OASL: variants seen among roughly 807,000 people sequenced by gnomAD.
The protein encoded by OASL is 2'-5'-oligoadenylate synthase-like protein.
In OASL, 28 loss-of-function variants were observed where a neutral mutation model predicts 35.3. The observed-to-expected ratio is 0.79, with a 90% CI of 0.59 to 1.09. The LOEUF is 1.09. OASL is among the 50% of genes least tolerant of loss of function. The pLI is 0.00. For missense variants in OASL, 620 were observed against 635.2 expected (o/e 0.98, Z 0.26); for synonymous variants, 252 against 254.6 (o/e 0.99, Z 0.10).
At chr12:121,031,247 C>A (rs1869716207) in intron 3 of OASL, among the ~76,000 whole-genome samples, 195 bp downstream of exon 3, 1 of 152,082 alleles carries the variant, frequency 6.6e-6, no homozygotes, top group East Asian at 1.9e-4. Flanking sequence ...TCTTTCTCCT[C>A]TTCCTCCTCC....
intron 5 of OASL, among the ~76,000 whole-genome samples, chr12:121,022,726 C>T (rs1439351800): frequency 2.6e-5 from 4 of 152,190 alleles, no homozygotes; most frequent in African/African-American, 9.6e-5. Context: ...TCCTTTACCC[C>T]TCATCATCCT....
At chr12:121,033,803 C>G in intron 1 of OASL, 60 bp from the exon 2 acceptor site, 1 of 1,556,670 alleles carries the variant, frequency 6.4e-7, no homozygotes. Context: ...GCAACCCCTG[C>G]GGCACTTCAC....
At chr12:121,022,204 A>G (rs1335428757) in intron 5 of OASL, among the ~76,000 whole-genome samples, 2 of 148,636 alleles carry the variant, frequency 1.3e-5, no homozygotes. Context: ...CTCCTGCCTC[A>G]GCCTCCCTAG....
intron 2 of OASL, among the ~76,000 whole-genome samples, chr12:121,032,957 G>T (rs1032280819): frequency 7.2e-5 from 11 of 151,882 alleles, no homozygotes; most frequent in Non-Finnish European, 1.6e-4. Context: ...ACGGAGTCTT[G>T]CTCTGTTGCC....
Position 121,027,566 on chromosome 12 carries a change from G to A in OASL, c.899+10C>T, listed in dbSNP as rs767597375. 1 of 1,612,968 alleles carries A rather than the reference G, an allele frequency of 6.2e-7. No individual in the cohort carries two copies. The highest frequency in any genetic ancestry group is 8.5e-7 in the Non-Finnish European group (1 of 1,179,162). ...CTGTAAGATTTGGTGGGCAAACAGTGGTCCAGTACCTCTCTTTTTTGAGCT... is the reference window on the plus strand; with the variant it reads ...CTGTAAGATTTGGTGGGCAAACAGTAGTCCAGTACCTCTCTTTTTTGAGCT... On this transcript the variant is annotated intron_variant, in intron 4 of 5. Transcript: ENST00000257570.
intron 3 of OASL, among the ~76,000 whole-genome samples, chr12:121,029,581 G>A (rs556568932): frequency 2.0e-5 from 3 of 152,116 alleles, no homozygotes; most frequent in South Asian, 2.1e-4. Flanking sequence ...CCAGCTACTC[G>A]GGAGGTTGAG....
At chr12:121,021,577 A>G (rs1268129132) in intron 5 of OASL, among the ~76,000 whole-genome samples, 2 of 152,220 alleles carry the variant, frequency 1.3e-5, no homozygotes, top group Non-Finnish European at 2.9e-5. Flanking sequence ...TTGGGAGGCC[A>G]AGGCGGGCAG....
At chr12:121,029,410 T>A (rs1178079106) in intron 3 of OASL, among the ~76,000 whole-genome samples, 1 of 152,220 alleles carries the variant, frequency 6.6e-6, no homozygotes, top group Non-Finnish European at 1.5e-5. Context: ...TTTATAAGGC[T>A]GGGCTCAGTG....
chr12:121,037,701 G>T (rs547439702), intron 1 of OASL, among the ~76,000 whole-genome samples: 1 of 151,996 alleles, frequency 6.6e-6, no homozygotes, highest in Admixed American at 6.6e-5. Context: ...GAACCTGGGA[G>T]GCAGAGGTTG....
At chr12:121,022,085 CTTT>C (rs66924657) in intron 5 of OASL, among the ~76,000 whole-genome samples, 3 of 108,068 alleles carry the variant, frequency 2.8e-5, no homozygotes, top group Non-Finnish European at 5.4e-5. Flanking sequence ...AAGTTTTGTT[CTTT>C]TTTTTTTTTT....
chr12:121,020,758 T>A (rs374637093), exon 6 of OASL: 20 of 1,614,122 alleles, frequency 1.2e-5, no homozygotes, highest in Non-Finnish European at 1.0e-5. Context: ...TTGGGGTTGA[T>A]GGCATAGGCG....
At chr12:121,031,288 G>A (rs564411740) in intron 3 of OASL, among the ~76,000 whole-genome samples, 154 bp downstream of exon 3, 3 of 151,370 alleles carry the variant, frequency 2.0e-5, no homozygotes, top group Non-Finnish European at 4.4e-5. Flanking sequence ...TTCACTGACG[G>A]TTTCACTTTA....
chr12:121,025,324 T>C (rs1435379358), intron 4 of OASL, among the ~76,000 whole-genome samples: 1 of 152,160 alleles, frequency 6.6e-6, no homozygotes, highest in Non-Finnish European at 1.5e-5. Flanking sequence ...CTCTTACCCA[T>C]CTACCTCCTC....
exon 6 of OASL, chr12:121,020,923 G>T: frequency 6.2e-7 from 1 of 1,614,224 alleles, no homozygotes; most frequent in Non-Finnish European, 8.5e-7. Flanking sequence ...TGGAAGGACA[G>T]ACGCTGCAGG....
chr12:121,019,006 G>T, downstream of OASL: 3 of 152,914 alleles, frequency 2.0e-5, no homozygotes, highest in South Asian at 5.7e-4. Flanking sequence ...CCAGTGTCTT[G>T]ACTTGGACTT....
chr12:121,030,916 G>A (rs942676396), intron 3 of OASL, among the ~76,000 whole-genome samples: 47 of 151,732 alleles, frequency 3.1e-4, no homozygotes, highest in Non-Finnish European at 4.9e-4. Flanking sequence ...TGGGAGGATC[G>A]CTTGAGACCA....
At chr12:121,029,004 G>A (rs927828810) in intron 3 of OASL, among the ~76,000 whole-genome samples, 32 of 145,906 alleles carry the variant, frequency 2.2e-4, no homozygotes, top group Middle Eastern at 7.2e-3. Flanking sequence ...GGAGGAGGTT[G>A]CAGTGAACCA....
intron 5 of OASL, chr12:121,023,603 A>G: frequency 6.0e-6 from 1 of 165,872 alleles, no homozygotes; most frequent in East Asian, 1.7e-4. Context: ...CGTCGTGGTC[A>G]TGTCTTATTT....
intron 4 of OASL, among the ~76,000 whole-genome samples, chr12:121,024,738 G>T (rs911417097): frequency 2.6e-5 from 4 of 152,128 alleles, no homozygotes; most frequent in African/African-American, 9.7e-5. Flanking sequence ...GGCAGGGGGG[G>T]CCCTGTACCT....
Sources: allele counts gnomAD v4.1 joint callset (sites outside exome capture counted in the v4.1 genomes callset), GRCh38; gene constraint gnomAD v4.1.1; transcripts MANE v1.5; gene names NCBI Gene and HGNC (gene_info 2026-07-23, HGNC 2026-07-21).